The following KRCC1 variants were observed in gnomAD, a reference collection of about 807,000 sequenced individuals.
KRCC1 encodes the protein lysine rich coiled-coil 1, also known as lysine-rich coiled-coil protein 1.
KRCC1 carries 3 observed loss-of-function variants against 7.4 expected under a neutral mutation model. The ratio of observed to expected loss-of-function variants is 0.40; its 90% confidence interval spans 0.18 to 1.04. The LOEUF (loss-of-function observed/expected upper bound fraction) is 1.04, where lower values mean the gene tolerates loss of function less well. Among genes scored for constraint, KRCC1 ranks in the 50% least tolerant of loss-of-function variants. The pLI, the probability that KRCC1 is intolerant of heterozygous loss-of-function variation, is 0.33. For synonymous variants in KRCC1, 102 were observed against 101.6 expected (o/e 1.00, Z -0.02); for missense variants, 277 against 300.9 (o/e 0.92, Z 0.59).
At chr2:88,044,621 A>AG (rs377491329) in intron 1 of KRCC1, among the ~76,000 whole-genome samples, 7 of 152,228 alleles carry the variant, frequency 4.6e-5, no homozygotes, top group African/African-American at 1.7e-4. Flanking sequence ...AACCACAATG[A>AG]GGGGTCTGCT....
intron 2 of KRCC1, among the ~76,000 whole-genome samples, chr2:88,034,835 G>T (rs572276974): frequency 1.3e-5 from 2 of 152,016 alleles, no homozygotes; most frequent in African/African-American, 4.8e-5. Context: ...CCAGCCTCTG[G>T]TAACCACCAT....
chr2:88,028,307 G>C lies in KRCC1; in HGVS notation c.257C>G (p.Pro86Arg). 6.2e-7 allele frequency: 1 copy of C among 1,614,154 alleles called. No individual in the cohort carries two copies. Among genetic ancestry groups the C allele is most frequent in the Non-Finnish European group, 8.5e-7 (1 of 1,180,040 alleles). ...GCTGTCATGGGCTGGTAACCACTGAGGCAACCGATTTTCCACTGTTTGTGG... is the reference window on the plus strand; with the variant it reads ...GCTGTCATGGGCTGGTAACCACTGACGCAACCGATTTTCCACTGTTTGTGG... Reference protein sequence around the residue: ...NIPQTVENRLPQWLPAHDSRL... With the variant: ...NIPQTVENRLRQWLPAHDSRL... Residue 86 changes from proline (P) to arginine (R), a missense_variant, in exon 4 of 4, where the codon CCT (proline) becomes CGT (arginine). Pro to Arg is a moderately radical substitution (Grantham distance 103). Coordinates refer to ENST00000347055, the MANE Select transcript of KRCC1 (RefSeq NM_016618.3).
chr2:88,050,494 A>G (rs1673451494), intron 1 of KRCC1, among the ~76,000 whole-genome samples: 2 of 152,164 alleles, frequency 1.3e-5, no homozygotes, highest in Admixed American at 1.3e-4. Flanking sequence ...ATGGTGGTGC[A>G]TGCCTGTAAT....
At chr2:88,033,564 T>C (rs1474203285) in intron 3 of KRCC1, among the ~76,000 whole-genome samples, 1 of 152,206 alleles carries the variant, frequency 6.6e-6, no homozygotes, top group African/African-American at 2.4e-5. Context: ...AAGATGTTGA[T>C]AATTGTTGAA....
chr2:88,047,901 G>A (rs1040692944), intron 1 of KRCC1, among the ~76,000 whole-genome samples: 2 of 152,194 alleles, frequency 1.3e-5, no homozygotes, highest in Middle Eastern at 3.4e-3. Flanking sequence ...GCAAAATTAG[G>A]ATGCTAATTT....
chr2:88,040,768 C>A (rs1323159183), intron 1 of KRCC1, among the ~76,000 whole-genome samples: 2 of 151,410 alleles, frequency 1.3e-5, no homozygotes, highest in Non-Finnish European at 2.9e-5. Flanking sequence ...AACTATGATG[C>A]AAGACAAAAA....
intron 1 of KRCC1, among the ~76,000 whole-genome samples, chr2:88,043,880 G>C (rs905448551): frequency 6.6e-6 from 1 of 152,010 alleles, no homozygotes. Flanking sequence ...TCTCCACGTT[G>C]GTCAGGCTGC....
chr2:88,048,874 G>C (rs574989736), intron 1 of KRCC1, among the ~76,000 whole-genome samples: 8 of 152,284 alleles, frequency 5.3e-5, no homozygotes, highest in African/African-American at 1.9e-4. Flanking sequence ...GCCAAAACAT[G>C]TTGTTTGATT....
intron 1 of KRCC1, among the ~76,000 whole-genome samples, chr2:88,037,257 TA>T (rs1673109634): frequency 6.6e-6 from 1 of 152,216 alleles, no homozygotes; most frequent in Non-Finnish European, 1.5e-5. Context: ...TATATTAACA[TA>T]TTTTTTAGTC....
chr2:88,029,306 C>T (rs758763350), intron 3 of KRCC1, among the ~76,000 whole-genome samples: 7 of 152,134 alleles, frequency 4.6e-5, no homozygotes, highest in Non-Finnish European at 8.8e-5. Flanking sequence ...AAAGGAACCA[C>T]AGATACAGAA....
intron 3 of KRCC1, among the ~76,000 whole-genome samples, chr2:88,029,195 A>G: frequency 6.6e-6 from 1 of 152,158 alleles, no homozygotes; most frequent in South Asian, 2.1e-4. Context: ...GGATGTGTGG[A>G]TAGGAACCAC....
At chr2:88,041,264 CTA>C (rs1673204821) in intron 1 of KRCC1, among the ~76,000 whole-genome samples, 1 of 152,132 alleles carries the variant, frequency 6.6e-6, no homozygotes, top group African/African-American at 2.4e-5. Flanking sequence ...AGAGACAATT[CTA>C]AGGCCTTGAT....
In KRCC1 at chr2:88,027,412, C is replaced by A; in HGVS notation, c.*372G>T. 1.2e-5 allele frequency: 2 copies of A among 166,532 alleles called. No individual in the cohort carries two copies. The highest frequency in any genetic ancestry group is 2.6e-5 in the Non-Finnish European group (2 of 78,008). 10.3% of individuals were successfully genotyped at this position (166,532 alleles called of 1,614,324 possible). ...AGAAAAACCAATGAACATAAAATAC[C>A]CAACTCAAAACTATAACAAACCCAA... On this transcript the variant is annotated 3_prime_UTR_variant, in exon 4 of 4. Coordinates refer to ENST00000347055, the MANE Select transcript of KRCC1 (RefSeq NM_016618.3).
At chr2:88,035,362 G>C (rs1673071787) in intron 2 of KRCC1, among the ~76,000 whole-genome samples, 1 of 152,172 alleles carries the variant, frequency 6.6e-6, no homozygotes, top group Non-Finnish European at 1.5e-5. Context: ...TGGTCAATAA[G>C]AAGAAAGCTG....
chr2:88,042,099 C>A (rs1332166620), intron 1 of KRCC1, among the ~76,000 whole-genome samples: 1 of 150,384 alleles, frequency 6.6e-6, no homozygotes, highest in Non-Finnish European at 1.5e-5. Context: ...CTCCCTCTGT[C>A]CCCCAGACTG....
chr2:88,029,832 AT>A (rs1312556056), intron 3 of KRCC1, among the ~76,000 whole-genome samples: 5 of 96,980 alleles, frequency 5.2e-5, no homozygotes, highest in East Asian at 3.5e-4. Context: ...TTATATATAT[AT>A]AAAAAAATAT....
intron 1 of KRCC1, among the ~76,000 whole-genome samples, chr2:88,053,843 T>G: frequency 6.6e-6 from 1 of 152,254 alleles, no homozygotes; most frequent in Non-Finnish European, 1.5e-5. Context: ...GTTATATTTA[T>G]AGGTGTCTCT....
At chr2:88,038,497 G>C (rs150072003) in intron 1 of KRCC1, among the ~76,000 whole-genome samples, 4 of 152,346 alleles carry the variant, frequency 2.6e-5, no homozygotes, top group Non-Finnish European at 5.9e-5. Context: ...TGTGTGAGGT[G>C]ATCTTGTGAA....
At chr2:88,055,496 C>CCG (rs1232937331) in intron 1 of KRCC1, 130 bp downstream of exon 1, 2 of 152,090 alleles carry the variant, frequency 1.3e-5, no homozygotes, top group African/African-American at 4.8e-5. Context: ...GGGACTCGGG[C>CCG]CGCGCCCTGG....
Sources: gnomAD v4.1 joint callset for allele counts (sites outside exome capture counted in the v4.1 genomes callset) on GRCh38, gnomAD v4.1.1 for gene constraint, MANE v1.5 for transcripts, NCBI Gene and HGNC (gene_info 2026-07-23, HGNC 2026-07-21) for gene names.